Variants in BMPR1B observed in about 807,000 individuals in gnomAD.
BMPR1B encodes bone morphogenetic protein receptor type-1B.
In BMPR1B, 12 loss-of-function variants were observed where a neutral mutation model predicts 59.1. That is an observed-to-expected ratio of 0.20 (90% confidence interval 0.13 to 0.33). BMPR1B has a LOEUF of 0.33. Among genes scored for constraint, BMPR1B ranks in the 10% least tolerant of loss-of-function variants. BMPR1B has a pLI of 1.00. For synonymous variants in BMPR1B, 237 were observed against 207.3 expected (o/e 1.14, Z -1.23); for missense variants, 550 against 610.9 (o/e 0.90, Z 1.05).
Position 95,156,906 on chromosome 4 carries a change from A to G in BMPR1B, c.*2233A>G, listed in dbSNP as rs1233901820. The G allele has an allele frequency of 1.3e-5, 2 of 152,174 alleles. No individual in the cohort carries two copies. The highest frequency in any genetic ancestry group is 6.5e-5 in the Admixed American group (1 of 15,276). The allele number at this position is 152,174 out of a possible 1,614,324, so 9.4% of individuals were successfully genotyped here. A position where few individuals can be genotyped will look rare whatever the true frequency, so the allele number is the denominator to read the frequency against. On this transcript the variant is annotated 3_prime_UTR_variant, in exon 13 of 13. Transcript: ENST00000515059. ...CAGATCATCTACAAAACAACAGGTA[A>G]ACATTTATGCCAGTTAAGTGGGTCA...
rs778604737 is a variant in BMPR1B, at chr4:95,114,774, G to A, written c.198G>A (p.Val66=). 1.2e-6 allele frequency: 2 copies of A among 1,613,728 alleles called. No homozygotes were observed. The highest frequency in any genetic ancestry group is 4.5e-5 in the East Asian group (2 of 44,848). Residue 66 remains valine, a synonymous_variant, in exon 5 of 13, where the codon GTG becomes GTA. Transcript: ENST00000515059. ...AAGAGGATGACTCTGGGTTGCCTGT[G>A]GTCACTTCTGGTTGCCTAGGACTAG... ...MIEEDDSGLP[V]VTSGCLGLEG...
intron 1 of BMPR1B, among the ~76,000 whole-genome samples, chr4:94,778,577 T>C (rs1722470849): frequency 6.6e-6 from 1 of 152,204 alleles, no homozygotes; most frequent in Non-Finnish European, 1.5e-5. Context: ...CAAGATGCTC[T>C]TTTTTAAATG....
chr4:94,784,336 A>G (rs1722688345), intron 1 of BMPR1B, among the ~76,000 whole-genome samples: 1 of 152,078 alleles, frequency 6.6e-6, no homozygotes, highest in South Asian at 2.1e-4. Flanking sequence ...ATGAACTTGT[A>G]TAATATTAGG....
chr4:94,897,488 G>A (rs960877664), intron 2 of BMPR1B, among the ~76,000 whole-genome samples: 5 of 151,848 alleles, frequency 3.3e-5, no homozygotes, highest in African/African-American at 7.3e-5. Context: ...GCTTACCACC[G>A]AGTATCTGGT....
chr4:95,117,040 G>A (rs1732121639), intron 6 of BMPR1B, among the ~76,000 whole-genome samples: 1 of 152,130 alleles, frequency 6.6e-6, no homozygotes, highest in East Asian at 1.9e-4. Flanking sequence ...ATTATAAAGT[G>A]TATTAAGGAC....
intron 3 of BMPR1B, among the ~76,000 whole-genome samples, chr4:95,011,947 AG>A (rs1723253590): frequency 6.6e-6 from 1 of 151,970 alleles, no homozygotes; most frequent in African/African-American, 2.4e-5. Flanking sequence ...TGAACCCAGG[AG>A]GCTGAGGTTG....
At chr4:94,833,672 G>A (rs1363745635) in intron 1 of BMPR1B, among the ~76,000 whole-genome samples, 3 of 152,122 alleles carry the variant, frequency 2.0e-5, no homozygotes, top group Non-Finnish European at 4.4e-5. Context: ...TGTTGGCTGT[G>A]TTCCTTATAG....
chr4:94,907,712 T>TA (rs1728101121), intron 2 of BMPR1B, among the ~76,000 whole-genome samples: 1 of 152,000 alleles, frequency 6.6e-6, no homozygotes, highest in Non-Finnish European at 1.5e-5. Context: ...TCCTATTTGT[T>TA]ACGGTTTGCT....
At chr4:95,152,873 T>TTGATGG (rs1031736363) in intron 12 of BMPR1B, 100 bp downstream of exon 12, 5 of 1,454,196 alleles carry the variant, frequency 3.4e-6, no homozygotes, top group East Asian at 4.9e-5. Context: ...TCTTCTTTTT[T>TTGATGG]TGATGGTGAT....
chr4:94,765,841 A>C (rs1179943440), intron 1 of BMPR1B, among the ~76,000 whole-genome samples: 3 of 152,168 alleles, frequency 2.0e-5, no homozygotes, highest in Non-Finnish European at 4.4e-5. Context: ...GTGCAGCCCA[A>C]GAGGGATCTT....
At chr4:94,913,377 GT>G (rs1215151851) in intron 2 of BMPR1B, among the ~76,000 whole-genome samples, 1 of 152,158 alleles carries the variant, frequency 6.6e-6, no homozygotes, top group Non-Finnish European at 1.5e-5. Flanking sequence ...ACCACTGATA[GT>G]TTTTTGATTT....
At chr4:94,764,794 C>G (rs1241530320) in intron 1 of BMPR1B, among the ~76,000 whole-genome samples, 4 of 152,134 alleles carry the variant, frequency 2.6e-5, no homozygotes, top group Non-Finnish European at 4.4e-5. Context: ...TTCCTTCACT[C>G]TTTCACAAAT....
At chr4:94,799,468 T>C (rs1236537585) in intron 1 of BMPR1B, among the ~76,000 whole-genome samples, 1 of 151,386 alleles carries the variant, frequency 6.6e-6, no homozygotes, top group Non-Finnish European at 1.5e-5. Context: ...CATGCCCAGC[T>C]AAGTTTTTGT....
In BMPR1B at chr4:95,155,423, G is replaced by A. The variant is rs1735345101; in HGVS notation, c.*750G>A. 1 of 139,724 alleles carries A rather than the reference G, an allele frequency of 7.2e-6. No homozygotes were observed. The highest frequency in any genetic ancestry group is 7.2e-5 in the Admixed American group (1 of 13,912). The allele number at this position is 139,724 out of a possible 1,614,324, so 8.7% of individuals were successfully genotyped here. ...TTCAGATCCACTTCTGTTTCTGATTGAGTTAGGCATCTCTTTCATGGTAAA... is the reference window on the plus strand; with the variant it reads ...TTCAGATCCACTTCTGTTTCTGATTAAGTTAGGCATCTCTTTCATGGTAAA... On this transcript the variant is annotated 3_prime_UTR_variant, in exon 13 of 13. Coordinates refer to ENST00000515059, the MANE Select transcript of BMPR1B (RefSeq NM_001203.3).
chr4:95,022,366 A>G (rs1214920218), intron 3 of BMPR1B, among the ~76,000 whole-genome samples: 8 of 152,218 alleles, frequency 5.3e-5, no homozygotes, highest in Non-Finnish European at 8.8e-5. Context: ...ACCACATTGA[A>G]TAATTCAAGT....
chr4:94,970,965 C>T (rs1261245807), intron 2 of BMPR1B, among the ~76,000 whole-genome samples: 1 of 152,146 alleles, frequency 6.6e-6, no homozygotes, highest in Non-Finnish European at 1.5e-5. Flanking sequence ...CTAAGACACA[C>T]AGTCTTAATA....
chr4:94,882,626 C>G (rs918795230), intron 2 of BMPR1B, among the ~76,000 whole-genome samples: 17 of 152,152 alleles, frequency 1.1e-4, no homozygotes, highest in African/African-American at 4.1e-4. Flanking sequence ...TACCTGATAA[C>G]AGGTTAATCC....
chr4:94,797,391 A>G (rs1380836724), intron 1 of BMPR1B, among the ~76,000 whole-genome samples: 1 of 152,200 alleles, frequency 6.6e-6, no homozygotes, highest in Non-Finnish European at 1.5e-5. Flanking sequence ...CAGAATAGGG[A>G]TTTATCTTAA....
intron 3 of BMPR1B, among the ~76,000 whole-genome samples, chr4:95,064,798 A>G (rs1727677133): frequency 6.6e-6 from 1 of 152,208 alleles, no homozygotes; most frequent in Non-Finnish European, 1.5e-5. Flanking sequence ...GCATCCTGTT[A>G]TCAGAGAAAT....
Sources: allele counts gnomAD v4.1 joint callset (sites outside exome capture counted in the v4.1 genomes callset), GRCh38; gene constraint gnomAD v4.1.1; transcripts MANE v1.5; gene names NCBI Gene and HGNC (gene_info 2026-07-23, HGNC 2026-07-21).